The following DPYD variants were observed in gnomAD, a reference collection of about 807,000 sequenced individuals.
DPYD encodes dihydropyrimidine dehydrogenase.
A neutral mutation model predicts 116.2 loss-of-function variants in DPYD; 109 were observed. The observed-to-expected ratio is 0.94, with a 90% CI of 0.80 to 1.10. The LOEUF is 1.10. Ranked by LOEUF, DPYD falls within the 50% of genes least tolerant of loss-of-function variation. The probability of loss-of-function intolerance (pLI) is 0.00; values close to 1 mark genes in which losing one functional copy is unlikely to be tolerated. For synonymous variants in DPYD, 440 were observed against 432.0 expected, an observed-to-expected ratio of 1.02 and a Z score of -0.23; for missense variants, 1,302 against 1,254.5, an observed-to-expected ratio of 1.04 and a Z score of -0.57.
chr1:97,255,674 C>T (rs919131336), intron 18 of DPYD, among the ~76,000 whole-genome samples: 2 of 149,926 alleles, frequency 1.3e-5, no homozygotes, highest in African/African-American at 4.9e-5. Context: ...TGAAAACAGA[C>T]TAATACAGAG....
chr1:97,377,675 A>G (rs891660157), intron 15 of DPYD, among the ~76,000 whole-genome samples: 14 of 152,330 alleles, frequency 9.2e-5, no homozygotes, highest in Admixed American at 2.6e-4. Flanking sequence ...TGCACAAAGC[A>G]TTTCTCCTCT....
intron 14 of DPYD, among the ~76,000 whole-genome samples, chr1:97,449,775 C>A (rs1676301993): frequency 6.6e-6 from 1 of 152,176 alleles, no homozygotes; most frequent in Non-Finnish European, 1.5e-5. Context: ...ACAGTGAAAA[C>A]CAACTCAATA....
Position 97,591,893 on chromosome 1 carries a change from GA to G in DPYD, c.1128+1324del, listed in dbSNP as rs764510762. On this transcript the variant is annotated intron_variant, in intron 10 of 22. Coordinates refer to ENST00000370192, the MANE Select transcript of DPYD (RefSeq NM_000110.4). ...ATTATTGCCTAAGACTGTATCCCAG[GA>G]AAAAAAAAAAAGAAACCTATGATCA... Among the ~76,000 whole-genome samples the G allele has an allele frequency of 9.5e-4, 130 of 137,522 alleles. 1 individual carries two copies. The highest frequency in any genetic ancestry group is 1.2e-3 in the Admixed American group (17 of 13,822). 90.2% of individuals were successfully genotyped at this position (137,522 alleles called of 152,430 possible). A position where few individuals can be genotyped will look rare whatever the true frequency, so the allele number is the denominator to read the frequency against.
At chr1:97,406,299 A>T (rs1673654453) in intron 14 of DPYD, among the ~76,000 whole-genome samples, 2 of 145,562 alleles carry the variant, frequency 1.4e-5, no homozygotes, top group African/African-American at 2.5e-5. Flanking sequence ...TAAAATTATT[A>T]ATTTATTTTT....
intron 3 of DPYD, 152 bp downstream of exon 3, chr1:97,827,962 G>T: frequency 1.4e-6 from 1 of 732,170 alleles, no homozygotes; most frequent in Non-Finnish European, 2.3e-6. Context: ...CAAAACCAAA[G>T]TACAGCCTCA....
intron 3 of DPYD, among the ~76,000 whole-genome samples, chr1:97,742,974 A>T (rs1333435937): frequency 6.6e-6 from 1 of 152,114 alleles, no homozygotes; most frequent in African/African-American, 2.4e-5. Flanking sequence ...CCCAACTTGA[A>T]TAATAACACA....
intron 3 of DPYD, among the ~76,000 whole-genome samples, chr1:97,752,331 CAT>C: frequency 6.6e-6 from 1 of 151,622 alleles, no homozygotes; most frequent in East Asian, 1.9e-4. Flanking sequence ...CACATACACA[CAT>C]ACATTAAATT....
intron 14 of DPYD, among the ~76,000 whole-genome samples, chr1:97,422,746 C>A (rs947591942): frequency 6.6e-6 from 1 of 152,144 alleles, no homozygotes; most frequent in Non-Finnish European, 1.5e-5. Context: ...CACTTGCATA[C>A]TTCAAGCTTG....
intron 20 of DPYD, among the ~76,000 whole-genome samples, chr1:97,160,655 A>G (rs982266694): frequency 4.6e-5 from 7 of 152,106 alleles, no homozygotes; most frequent in African/African-American, 7.2e-5. Context: ...TTATTGTCAC[A>G]TAGATTGAAT....
At chr1:97,467,056 A>G (rs981245252) in intron 13 of DPYD, among the ~76,000 whole-genome samples, 5 of 152,204 alleles carry the variant, frequency 3.3e-5, no homozygotes, top group Non-Finnish European at 7.3e-5. Context: ...TTGATAAGCA[A>G]GAAGGTAACA....
At chr1:97,115,307 A>G (rs1369548339) in intron 20 of DPYD, among the ~76,000 whole-genome samples, 5 of 152,212 alleles carry the variant, frequency 3.3e-5, no homozygotes, top group Non-Finnish European at 7.3e-5. Flanking sequence ...AAAGTCCTTG[A>G]CTACCAGCAT....
chr1:97,642,717 T>G (rs1429666697), intron 8 of DPYD, among the ~76,000 whole-genome samples: 3 of 112,940 alleles, frequency 2.7e-5, no homozygotes, highest in Non-Finnish European at 5.1e-5. Context: ...AACATCACAC[T>G]CTGGGGACTG....
intron 18 of DPYD, among the ~76,000 whole-genome samples, chr1:97,272,287 G>A (rs933122805): frequency 6.6e-6 from 1 of 152,156 alleles, no homozygotes; most frequent in Non-Finnish European, 1.5e-5. Context: ...TAGCTATTCT[G>A]TTGCTTCTAG....
rs180857774 is a variant in DPYD, at chr1:97,732,941, A to T, written c.321+7451T>A. Among the ~76,000 whole-genome samples, 364 of 152,302 alleles carry T rather than the reference A, an allele frequency of 2.4e-3. 6 individuals are homozygous for T. Among genetic ancestry groups the T allele is most frequent in the African/African-American group, 8.4e-3 (348 of 41,582 alleles). On this transcript the variant is annotated intron_variant, in intron 4 of 22. Coordinates refer to ENST00000370192, the MANE Select transcript of DPYD (RefSeq NM_000110.4). The stretch of plus-strand genomic sequence containing the variant: ...CAGAAAAAAGCTAGGATACTTTGAA[A>T]ATAACTGTAATGTCAAGGAGATGCT...
intron 8 of DPYD, among the ~76,000 whole-genome samples, chr1:97,596,495 C>T (rs1276611281): frequency 6.6e-6 from 1 of 152,096 alleles, no homozygotes; most frequent in African/African-American, 2.4e-5. Context: ...CCATCCAAGG[C>T]AAGTAGAGAA....
At chr1:97,103,886 A>G (rs901264904) in intron 20 of DPYD, among the ~76,000 whole-genome samples, 2 of 152,084 alleles carry the variant, frequency 1.3e-5, no homozygotes, top group Non-Finnish European at 2.9e-5. Context: ...AACTGCTTCT[A>G]TTGCATTGTG....
intron 12 of DPYD, among the ~76,000 whole-genome samples, chr1:97,516,435 T>A (rs1438678211): frequency 6.6e-6 from 1 of 152,150 alleles, no homozygotes; most frequent in South Asian, 2.1e-4. Flanking sequence ...GCAGCAGGAA[T>A]GCTGCTTGCC....
chr1:97,498,188 T>A (rs1019351274), intron 13 of DPYD, among the ~76,000 whole-genome samples: 2 of 151,678 alleles, frequency 1.3e-5, no homozygotes, highest in Non-Finnish European at 3.0e-5. Flanking sequence ...TAACTGCTAA[T>A]GGGTATGGAG....
chr1:97,370,836 T>G (rs917186316), intron 16 of DPYD, among the ~76,000 whole-genome samples: 1 of 152,148 alleles, frequency 6.6e-6, no homozygotes, highest in Non-Finnish European at 1.5e-5. Context: ...AATGAATACA[T>G]GAGACTACTT....
Sources: allele counts gnomAD v4.1 joint callset (sites outside exome capture counted in the v4.1 genomes callset), GRCh38; gene constraint gnomAD v4.1.1; transcripts MANE v1.5; gene names NCBI Gene and HGNC (gene_info 2026-07-23, HGNC 2026-07-21).